The following CACNA1D variants were observed in gnomAD, a reference collection of about 807,000 sequenced individuals.
CACNA1D encodes calcium voltage-gated channel subunit alpha1 D, also known as voltage-dependent L-type calcium channel subunit alpha-1D.
In CACNA1D, 55 loss-of-function variants were observed where a neutral mutation model predicts 257.1. That is an observed-to-expected ratio of 0.21 (90% CI 0.17 to 0.27). The LOEUF is 0.27. Ranked by LOEUF, CACNA1D falls within the 10% of genes least tolerant of loss-of-function variation. CACNA1D has a pLI of 1.00. For synonymous variants in CACNA1D, 980 were observed against 1,014.9 expected, an observed-to-expected ratio of 0.97 and a Z score of 0.65; for missense variants, 1,876 against 2,784.0, an observed-to-expected ratio of 0.67 and a Z score of 7.34.
At chr3:53,712,344 C>T (rs1484499055) in intron 9 of CACNA1D, among the ~76,000 whole-genome samples, 1 of 152,188 alleles carries the variant, frequency 6.6e-6, no homozygotes, top group East Asian at 1.9e-4. Flanking sequence ...GGGCACGAGC[C>T]CTCATATGGA....
At chr3:53,665,379 A>T (rs1284387364) in intron 5 of CACNA1D, among the ~76,000 whole-genome samples, 2 of 152,188 alleles carry the variant, frequency 1.3e-5, no homozygotes, top group South Asian at 2.1e-4. Context: ...CAGATGGATG[A>T]AGAAATGCAT....
intron 5 of CACNA1D, among the ~76,000 whole-genome samples, chr3:53,665,263 A>G (rs2094250301): frequency 1.3e-5 from 2 of 152,198 alleles, no homozygotes; most frequent in Admixed American, 6.5e-5. Flanking sequence ...TATGTCTCCT[A>G]GAATATAATT....
chr3:53,758,555 T>C (rs769026101), intron 29 of CACNA1D, among the ~76,000 whole-genome samples: 7 of 152,216 alleles, frequency 4.6e-5, no homozygotes, highest in Middle Eastern at 3.4e-3. Context: ...GAGACAAACA[T>C]TGATGGATGG....
At chr3:53,766,512 CAGATA>C (rs1362483006) in intron 30 of CACNA1D, among the ~76,000 whole-genome samples, 6 of 152,256 alleles carry the variant, frequency 3.9e-5, no homozygotes, top group African/African-American at 1.4e-4. Flanking sequence ...CTTCCAAGCA[CAGATA>C]GAAATTAAAA....
rs373558094 is a variant in CACNA1D, at chr3:53,724,015, A to G, written c.2100+16A>G. The stretch of plus-strand genomic sequence containing the variant: ...AGTGTTCCAGGTGAGTCCTCCCTCC[A>G]TTCCCCGAAAAGCACTTCGTGAGCA... On this transcript the variant is annotated intron_variant, in intron 14 of 47. Transcript: ENST00000350061. 1.1e-5 allele frequency: 17 copies of G among 1,602,588 alleles called. No individual in the cohort carries two copies. In the Middle Eastern group the frequency reaches 6.6e-4, roughly 62 times the overall value.
rs367898575 is a variant in CACNA1D, at chr3:53,712,154, A to G, written c.1391-6147A>G. Among the ~76,000 whole-genome samples, 17 of 152,374 alleles carry G rather than the reference A, an allele frequency of 1.1e-4. No homozygotes were observed. The East Asian group carries it at 2.9e-3, about 26-fold the overall frequency. The stretch of plus-strand genomic sequence containing the variant: ...TCCTTGGTTCTGCCTTGCTGAATGC[A>G]GGCTTGGGCCTTGTGATTCTTTAAG... On this transcript the variant is annotated intron_variant, in intron 9 of 47. Transcript: ENST00000350061.
intron 3 of CACNA1D, among the ~76,000 whole-genome samples, chr3:53,626,456 G>A (rs1438158510): frequency 6.6e-6 from 1 of 152,220 alleles, no homozygotes; most frequent in East Asian, 1.9e-4. Context: ...GGCAAGAGGG[G>A]AGAGAGGGAA....
intron 47 of CACNA1D, among the ~76,000 whole-genome samples, chr3:53,810,758 CAAAAA>C (rs71074934): frequency 1.8e-4 from 12 of 68,286 alleles, no homozygotes; most frequent in Non-Finnish European, 2.6e-4. Context: ...ACTCTTGTCT[CAAAAA>C]AAAAAAAAAA....
chr3:53,659,698 G>A (rs780304069), intron 4 of CACNA1D, among the ~76,000 whole-genome samples: 19 of 152,184 alleles, frequency 1.2e-4, no homozygotes, highest in Non-Finnish European at 2.6e-4. Context: ...TTGTTTTCTC[G>A]TGTGTAACAT....
chr3:53,804,293 G>A (rs548528487), intron 44 of CACNA1D, among the ~76,000 whole-genome samples: 8 of 152,168 alleles, frequency 5.3e-5, no homozygotes, highest in East Asian at 1.9e-4. Flanking sequence ...GCCCTTCCCC[G>A]TGCCTCTCTC....
intron 8 of CACNA1D, among the ~76,000 whole-genome samples, chr3:53,697,308 C>G (rs2094581593): frequency 6.6e-6 from 1 of 152,168 alleles, no homozygotes; most frequent in Non-Finnish European, 1.5e-5. Context: ...TTCTGGCCTC[C>G]TGAAGGAGTA....
chr3:53,791,017 C>G (rs1315238769), intron 40 of CACNA1D: 4 of 702,154 alleles, frequency 5.7e-6, no homozygotes, highest in Admixed American at 4.0e-5. Flanking sequence ...TCTGCCTGAG[C>G]TACGGCACCA....
At chr3:53,598,329 A>G (rs1030107716) in intron 3 of CACNA1D, among the ~76,000 whole-genome samples, 1 of 151,832 alleles carries the variant, frequency 6.6e-6, no homozygotes, top group Admixed American at 6.6e-5. Flanking sequence ...TAATCCCAGC[A>G]CTTTAGGAGG....
intron 3 of CACNA1D, among the ~76,000 whole-genome samples, chr3:53,539,046 C>A (rs914972745): frequency 8.5e-5 from 13 of 152,074 alleles, no homozygotes; most frequent in South Asian, 6.2e-4. Flanking sequence ...CGTCCCTAAG[C>A]AGTATCACTT....
chr3:53,782,264 G>GTGTGTGTATATATA (rs6147823), intron 39 of CACNA1D: 28 of 75,444 alleles, frequency 3.7e-4, no homozygotes, highest in Middle Eastern at 9.3e-3. Flanking sequence ...GTGTGTGTGT[G>GTGTGTGTATATATA]TATATATATA....
At chr3:53,722,289 G>A (rs770853476) in intron 11 of CACNA1D, 25 bp from the exon 12 acceptor site, 28 of 1,613,178 alleles carry the variant, frequency 1.7e-5, no homozygotes, top group African/African-American at 2.7e-5. Flanking sequence ...TGTCATCTAC[G>A]TAGTAATGTT....
chr3:53,806,348 G>A (rs2106855496), intron 45 of CACNA1D, among the ~76,000 whole-genome samples: 1 of 152,074 alleles, frequency 6.6e-6, no homozygotes, highest in East Asian at 1.9e-4. Flanking sequence ...CTTCACTCTG[G>A]GGCCAGGAAA....
intron 3 of CACNA1D, among the ~76,000 whole-genome samples, chr3:53,504,548 G>GT (rs2090745622): frequency 6.6e-6 from 1 of 152,012 alleles, no homozygotes; most frequent in African/African-American, 2.4e-5. Context: ...TGCAGCTTTC[G>GT]TTTATGGACT....
At chr3:53,802,600 C>T (rs974039631) in intron 43 of CACNA1D, among the ~76,000 whole-genome samples, 4 of 152,234 alleles carry the variant, frequency 2.6e-5, no homozygotes, top group Non-Finnish European at 4.4e-5. Context: ...CCCTGTAGCC[C>T]TCAAGATATG....
Sources: allele counts gnomAD v4.1 joint callset (sites outside exome capture counted in the v4.1 genomes callset), GRCh38; gene constraint gnomAD v4.1.1; transcripts MANE v1.5; gene names NCBI Gene and HGNC (gene_info 2026-07-23, HGNC 2026-07-21).